Variants in CUBN observed in about 807,000 individuals in gnomAD.
The protein encoded by CUBN is 460 kDa receptor.
Under a neutral mutation model 405.3 loss-of-function variants are expected in CUBN, and 282 were observed. The observed-to-expected ratio is 0.70, with a 90% CI of 0.63 to 0.77. The LOEUF is 0.77. Among genes scored for constraint, CUBN ranks in the 30% least tolerant of loss-of-function variants. The pLI is 0.00. For synonymous variants in CUBN, 1,684 were observed against 1,617.0 expected (o/e 1.04, Z -0.99); for missense variants, 4,514 against 4,475.2 (o/e 1.01, Z -0.25).
At chr10:17,105,048 G>A (rs938999389) in intron 11 of CUBN, among the ~76,000 whole-genome samples, 17 of 151,618 alleles carry the variant, frequency 1.1e-4, no homozygotes, top group Non-Finnish European at 1.8e-4. Context: ...TGATGCACCC[G>A]CCTCACCCTC....
intron 39 of CUBN, among the ~76,000 whole-genome samples, chr10:16,935,890 A>AG (rs1301693193): frequency 4.6e-5 from 7 of 151,006 alleles, no homozygotes; most frequent in Admixed American, 2.0e-4. Context: ...AAAAAAAAAA[A>AG]AAAAAAGAAA....
chr10:17,002,763 A>G (rs1486233907), intron 28 of CUBN, among the ~76,000 whole-genome samples: 1 of 152,208 alleles, frequency 6.6e-6, no homozygotes, highest in Non-Finnish European at 1.5e-5. Context: ...AGGCCAAAAG[A>G]GCTGTGGGAT....
chr10:16,965,009 A>T (rs1843346571), intron 31 of CUBN, among the ~76,000 whole-genome samples: 2 of 152,180 alleles, frequency 1.3e-5, no homozygotes, highest in Non-Finnish European at 2.9e-5. Context: ...ATTTCTTGCC[A>T]CAGTAAATGC....
chr10:17,008,238 G>GGTGTGT (rs55936618), intron 28 of CUBN, among the ~76,000 whole-genome samples: 2,775 of 80,818 alleles, frequency 0.034, 53 homozygotes, highest in East Asian at 0.11. Flanking sequence ...GCCCGTGTGT[G>GGTGTGT]GTGTGTGTGT....
At chr10:16,891,818 A>ATT (rs199730303) in intron 54 of CUBN, among the ~76,000 whole-genome samples, 36 of 151,984 alleles carry the variant, frequency 2.4e-4, no homozygotes, top group African/African-American at 8.5e-4. Flanking sequence ...GTTTGTAGTC[A>ATT]TTTTTCTATT....
chr10:17,102,814 C>T lies in CUBN; in HGVS notation c.1530+311G>A, dbSNP rs11254372. On this transcript the variant is annotated intron_variant, in intron 13 of 66. Transcript: ENST00000377833. ...TTTATTTTTAGTAGAGACAGGGTTT[C>T]GCCATATTGACCAGACTGGTCTGGA... 0.33 allele frequency among the ~76,000 whole-genome samples: 50,342 copies of T among 151,140 alleles called. 8,898 individuals are homozygous for T. The highest frequency in any genetic ancestry group is 0.44 in the Middle Eastern group (129 of 290).
At chr10:17,028,194 C>T (rs938250279) in intron 27 of CUBN, among the ~76,000 whole-genome samples, 3 of 150,970 alleles carry the variant, frequency 2.0e-5, no homozygotes, top group Non-Finnish European at 4.4e-5. Flanking sequence ...CTTCCCTCTG[C>T]CAATTATCCT....
chr10:16,841,727 G>A (rs957631069), intron 60 of CUBN, among the ~76,000 whole-genome samples: 4 of 151,820 alleles, frequency 2.6e-5, no homozygotes, highest in Non-Finnish European at 4.4e-5. Flanking sequence ...GTTTGTCCTC[G>A]TGCATTTCTT....
At chr10:17,009,601 C>T (rs1834123173) in intron 28 of CUBN, among the ~76,000 whole-genome samples, 1 of 149,918 alleles carries the variant, frequency 6.7e-6, no homozygotes, top group South Asian at 2.1e-4. Flanking sequence ...CACTGCCCTC[C>T]CAAACTCTCC....
At chr10:17,116,379 G>C (rs1836899429) in intron 6 of CUBN, among the ~76,000 whole-genome samples, 1 of 152,174 alleles carries the variant, frequency 6.6e-6, no homozygotes, top group South Asian at 2.1e-4. Flanking sequence ...GGAGGAGGAG[G>C]GTAGAGGAGT....
intron 10 of CUBN, among the ~76,000 whole-genome samples, chr10:17,107,063 A>G (rs550148743): frequency 6.6e-6 from 1 of 152,304 alleles, no homozygotes; most frequent in Non-Finnish European, 1.5e-5. Flanking sequence ...ACTTGGTCAA[A>G]AGGAATTTGA....
Position 16,933,093 on chromosome 10 carries a change from G to A in CUBN, c.6118C>T (p.Arg2040Ter), listed in dbSNP as rs770636895. ...TTCTTTATAATGTTCTCACCATCTCGTATCACAAGGCTATCATAGGCACAC... is the reference window on the plus strand; with the variant it reads ...TTCTTTATAATGTTCTCACCATCTCATATCACAAGGCTATCATAGGCACAC... ...RTCAYDSLVI[R>*]DGDNNLAQQL... The change falls in exon 40 of 67, where the codon CGA becomes TGA. Residue 2040 changes from arginine (R) to a stop codon, truncating the protein, a stop_gained. Transcript: ENST00000377833. LOFTEE classifies it high-confidence loss of function. 1.4e-5 allele frequency: 23 copies of A among 1,613,526 alleles called. No individual in the cohort carries two copies. Among genetic ancestry groups the A allele is most frequent in the Non-Finnish European group, 1.9e-5 (22 of 1,179,698 alleles).
chr10:16,967,763 G>A (rs1843432804), intron 31 of CUBN, among the ~76,000 whole-genome samples: 1 of 150,472 alleles, frequency 6.6e-6, no homozygotes, highest in South Asian at 2.1e-4. Flanking sequence ...AAGATAAGAA[G>A]AGAAGGAGGG....
At chr10:16,920,403 C>A (rs1842002848) in intron 43 of CUBN, among the ~76,000 whole-genome samples, 1 of 152,156 alleles carries the variant, frequency 6.6e-6, no homozygotes, top group Non-Finnish European at 1.5e-5. Flanking sequence ...ATGATTATGG[C>A]ACATGGTGCA....
rs78759864 is a variant in CUBN, at chr10:17,035,080, A to T, written c.4017+5953T>A. On this transcript the variant is annotated intron_variant, in intron 27 of 66. Transcript: ENST00000377833. The stretch of plus-strand genomic sequence containing the variant: ...CAAAACAAGATATAAACCTATGGAT[A>T]AAAAAAAAAAATAAACAAATGAAAA... Among the ~76,000 whole-genome samples, 474 of 54,008 alleles carry T rather than the reference A, an allele frequency of 8.8e-3. 6 individuals carry two copies. The highest frequency in any genetic ancestry group is 0.025 in the African/African-American group (439 of 17,336). The allele number at this position is 54,008 out of a possible 152,430, so 35.4% of individuals were successfully genotyped here.
chr10:17,077,233 T>C (rs1261553701), intron 17 of CUBN, among the ~76,000 whole-genome samples: 2 of 152,226 alleles, frequency 1.3e-5, no homozygotes, highest in Non-Finnish European at 2.9e-5. Context: ...GTTCAGCATA[T>C]GGTGTATTCC....
At chr10:16,941,790 G>C (rs1418244090) in intron 36 of CUBN, among the ~76,000 whole-genome samples, 1 of 152,018 alleles carries the variant, frequency 6.6e-6, no homozygotes, top group Non-Finnish European at 1.5e-5. Flanking sequence ...TGAAGTGAGG[G>C]GTGATCGTGC....
chr10:17,110,105 C>T (rs142148071), intron 9 of CUBN, among the ~76,000 whole-genome samples: 1 of 152,262 alleles, frequency 6.6e-6, no homozygotes, highest in Non-Finnish European at 1.5e-5. Context: ...GTTATTTAAA[C>T]ATACAAGGTT....
At chr10:17,014,944 A>T (rs1328318727) in intron 28 of CUBN, among the ~76,000 whole-genome samples, 7 of 152,206 alleles carry the variant, frequency 4.6e-5, no homozygotes, top group African/African-American at 1.7e-4. Context: ...CCAGAACAGC[A>T]AACCAATCTG....
Sources: gnomAD v4.1 joint callset for allele counts (sites outside exome capture counted in the v4.1 genomes callset) on GRCh38, gnomAD v4.1.1 for gene constraint, MANE v1.5 for transcripts, NCBI Gene and HGNC (gene_info 2026-07-23, HGNC 2026-07-21) for gene names.